LRRC8D: variants seen among roughly 807,000 people sequenced by gnomAD.
LRRC8D encodes volume-regulated anion channel subunit LRRC8D.
LRRC8D carries 20 observed loss-of-function variants against 55.8 expected under a neutral mutation model. The observed-to-expected ratio is 0.36, with a 90% confidence interval of 0.25 to 0.52. The LOEUF is 0.52. LRRC8D is among the 20% of genes least tolerant of loss of function. The pLI, the probability that LRRC8D is intolerant of heterozygous loss-of-function variation, is 0.93. For missense variants in LRRC8D, 651 were observed against 1,030.8 expected (o/e 0.63, Z 5.05); for synonymous variants, 352 against 377.0 (o/e 0.93, Z 0.77).
chr1:89,861,167 G>A (rs995187933), intron 2 of LRRC8D, among the ~76,000 whole-genome samples: 2 of 152,136 alleles, frequency 1.3e-5, no homozygotes, highest in Non-Finnish European at 1.5e-5. Context: ...AGGTTACACA[G>A]TGTGTACATA....
At chr1:89,878,667 T>C (rs1662205345) in intron 2 of LRRC8D, among the ~76,000 whole-genome samples, 2 of 152,130 alleles carry the variant, frequency 1.3e-5, no homozygotes, top group African/African-American at 4.8e-5. Context: ...TATGGAAGTA[T>C]AGAAGTCTCT....
intron 2 of LRRC8D, among the ~76,000 whole-genome samples, chr1:89,870,537 G>A (rs534245071): frequency 7.9e-5 from 12 of 152,064 alleles, no homozygotes; most frequent in African/African-American, 2.9e-4. Flanking sequence ...TCTAAGTCAA[G>A]AAGAGAGTCT....
intron 1 of LRRC8D, among the ~76,000 whole-genome samples, chr1:89,837,594 C>T (rs1661030218): frequency 6.6e-6 from 1 of 152,194 alleles, no homozygotes; most frequent in Non-Finnish European, 1.5e-5. Context: ...TCTCTTTTCT[C>T]ATCTGTAATA....
At chr1:89,892,981 A>T (rs150300520) in intron 2 of LRRC8D, among the ~76,000 whole-genome samples, 1 of 152,204 alleles carries the variant, frequency 6.6e-6, no homozygotes, top group Non-Finnish European at 1.5e-5. Flanking sequence ...TCATTTATTT[A>T]TTTATTAAAC....
chr1:89,875,936 G>C (rs2100835162), intron 2 of LRRC8D, among the ~76,000 whole-genome samples: 1 of 152,316 alleles, frequency 6.6e-6, no homozygotes, highest in Non-Finnish European at 1.5e-5. Flanking sequence ...GATTCTTAAA[G>C]GTTCTTAGTG....
chr1:89,883,919 A>G (rs1441943728), intron 2 of LRRC8D, among the ~76,000 whole-genome samples: 3 of 152,200 alleles, frequency 2.0e-5, no homozygotes, highest in Admixed American at 6.5e-5. Flanking sequence ...TGAAAACCCA[A>G]ACAAACACCC....
chr1:89,824,302 G>A (rs4587551), intron 1 of LRRC8D, among the ~76,000 whole-genome samples: 7,222 of 152,250 alleles, frequency 0.047, 223 homozygotes, highest in South Asian at 0.14. Context: ...TAGGAGACTT[G>A]TGCTCAGGTC....
intron 2 of LRRC8D, among the ~76,000 whole-genome samples, chr1:89,872,143 C>T (rs1447115036): frequency 1.3e-5 from 2 of 152,214 alleles, no homozygotes; most frequent in African/African-American, 2.4e-5. Context: ...TCTTTTGGGA[C>T]AAGTGCCATA....
intron 2 of LRRC8D, among the ~76,000 whole-genome samples, chr1:89,905,008 T>C (rs1339589699): frequency 1.4e-4 from 21 of 151,866 alleles, no homozygotes; most frequent in Admixed American, 1.4e-3. Context: ...TTTTGGAGGT[T>C]TTAAATAACC....
intron 2 of LRRC8D, among the ~76,000 whole-genome samples, chr1:89,913,425 C>A (rs1005004016): frequency 2.6e-5 from 4 of 152,214 alleles, no homozygotes; most frequent in Admixed American, 2.6e-4. Context: ...TGGGCCTACC[C>A]TATAAGCTTC....
intron 1 of LRRC8D, among the ~76,000 whole-genome samples, chr1:89,826,029 T>A (rs943520485): frequency 6.6e-6 from 1 of 152,220 alleles, no homozygotes; most frequent in African/African-American, 2.4e-5. Flanking sequence ...TCTTTACCAG[T>A]CCACGTGGGC....
chr1:89,838,692 C>T (rs143811201), intron 1 of LRRC8D, among the ~76,000 whole-genome samples: 2 of 152,236 alleles, frequency 1.3e-5, no homozygotes, highest in East Asian at 3.9e-4. Flanking sequence ...AGTACATCAA[C>T]CATCATGTCC....
rs145648020 is a variant in LRRC8D, at chr1:89,912,685, T to C, written c.-2-20382T>C. Among the ~76,000 whole-genome samples the C allele has an allele frequency of 2.7e-3, 416 of 152,338 alleles. 2 individuals are homozygous for C. Among genetic ancestry groups the C allele is most frequent in the African/African-American group, 9.6e-3 (400 of 41,578 alleles). On this transcript the variant is annotated intron_variant, in intron 2 of 2. Transcript: ENST00000337338. Reference sequence around the variant, plus strand: ...TTACAGTTATCATTCTATCATGTTATGTTTGTTTATAATATAATCTCTACA... The same window carrying C: ...TTACAGTTATCATTCTATCATGTTACGTTTGTTTATAATATAATCTCTACA...
chr1:89,858,084 C>T (rs1043648103), intron 2 of LRRC8D, among the ~76,000 whole-genome samples: 3 of 152,064 alleles, frequency 2.0e-5, no homozygotes, highest in Non-Finnish European at 4.4e-5. Context: ...CAAAAATTAG[C>T]CGGGCGTGGT....
intron 2 of LRRC8D, among the ~76,000 whole-genome samples, chr1:89,920,711 A>G (rs1024259236): frequency 1.3e-5 from 2 of 152,024 alleles, no homozygotes; most frequent in East Asian, 1.9e-4. Flanking sequence ...AAAAAAAAAA[A>G]AAAAACTAAA....
Position 89,843,567 on chromosome 1 carries a change from TG to T in LRRC8D, c.-147-70del, listed in dbSNP as rs535036093. 1,345 of 695,752 alleles carry T rather than the reference TG, an allele frequency of 1.9e-3. 8 individuals are homozygous for T. In the Middle Eastern group the frequency reaches 0.029, roughly 15 times the overall value. The allele number at this position is 695,752 out of a possible 1,614,324, so 43.1% of individuals were successfully genotyped here. ...CCCTGGTCTTGCCTCCCCGCCGCCC[TG>T]CACTCCTTCCTCCCCGCTGCCGACA... On this transcript the variant is annotated intron_variant, in intron 1 of 2. Transcript: ENST00000337338.
At chr1:89,867,340 A>G (rs1425515481) in intron 2 of LRRC8D, among the ~76,000 whole-genome samples, 1 of 152,224 alleles carries the variant, frequency 6.6e-6, no homozygotes, top group Non-Finnish European at 1.5e-5. Flanking sequence ...AGCATGTGTC[A>G]GTATTTCATT....
chr1:89,900,182 A>C (rs180949592), intron 2 of LRRC8D, among the ~76,000 whole-genome samples: 82 of 152,348 alleles, frequency 5.4e-4, no homozygotes, highest in African/African-American at 1.9e-3. Flanking sequence ...TGGCAGGCAA[A>C]GACAGGTAAT....
chr1:89,843,844 C>G (rs930549849), intron 2 of LRRC8D, 62 bp downstream of exon 2: 2 of 592,842 alleles, frequency 3.4e-6, no homozygotes, highest in Non-Finnish European at 3.1e-6. Flanking sequence ...CGGAGCACTG[C>G]TAGTGTCGGA....
Sources: allele counts gnomAD v4.1 joint callset (sites outside exome capture counted in the v4.1 genomes callset), GRCh38; gene constraint gnomAD v4.1.1; transcripts MANE v1.5; gene names NCBI Gene and HGNC (gene_info 2026-07-23, HGNC 2026-07-21).